The following COL19A1 variants were observed in gnomAD, a reference collection of about 807,000 sequenced individuals.
COL19A1 encodes collagen type XIX alpha 1 chain.
A neutral mutation model predicts 190.2 loss-of-function variants in COL19A1; 159 were observed. The ratio of observed to expected loss-of-function variants is 0.84; its 90% CI spans 0.73 to 0.95. The LOEUF (loss-of-function observed/expected upper bound fraction) is 0.95. Ranked by LOEUF, COL19A1 falls within the 40% of genes least tolerant of loss-of-function variation. The pLI is 0.00. For missense variants in COL19A1, 1,418 were observed against 1,431.9 expected (o/e 0.99, Z 0.16); for synonymous variants, 509 against 458.9 (o/e 1.11, Z -1.39).
chr6:70,059,524 T>C (rs146400542), intron 14 of COL19A1, among the ~76,000 whole-genome samples: 91 of 152,332 alleles, frequency 6.0e-4, no homozygotes, highest in African/African-American at 1.7e-3. Context: ...TAGCTTGTCT[T>C]AAATAATCAG....
At chr6:69,920,370 A>G (rs1342098017) in intron 4 of COL19A1, among the ~76,000 whole-genome samples, 3 of 152,178 alleles carry the variant, frequency 2.0e-5, no homozygotes, top group Non-Finnish European at 4.4e-5. Flanking sequence ...GCTGCTGTAC[A>G]TAGAGAATGT....
At chr6:70,111,200 A>C (rs1344143568) in intron 16 of COL19A1, among the ~76,000 whole-genome samples, 4 of 152,202 alleles carry the variant, frequency 2.6e-5, no homozygotes, top group Admixed American at 6.6e-5. Context: ...TTTAATAAGA[A>C]TATTCTAGGT....
At chr6:69,983,138 TAG>T (rs1472758453) in intron 11 of COL19A1, among the ~76,000 whole-genome samples, 1 of 152,120 alleles carries the variant, frequency 6.6e-6, no homozygotes, top group East Asian at 1.9e-4. Context: ...TGCAATAGTA[TAG>T]AGTCATCCAA....
intron 15 of COL19A1, among the ~76,000 whole-genome samples, chr6:70,075,910 A>G (rs887939371): frequency 5.3e-5 from 8 of 152,258 alleles, no homozygotes; most frequent in Non-Finnish European, 1.2e-4. Context: ...GTAACAAAAT[A>G]ACATAATAAG....
chr6:70,180,647 C>T (rs1766115669), intron 44 of COL19A1, 124 bp downstream of exon 44: 9 of 991,320 alleles, frequency 9.1e-6, no homozygotes, highest in Non-Finnish European at 1.4e-5. Context: ...GAAGAATGCA[C>T]AGATGGATTT....
intron 42 of COL19A1, 69 bp from the exon 43 acceptor site, chr6:70,180,243 G>A (rs1321003936): frequency 6.4e-7 from 1 of 1,567,850 alleles, no homozygotes; most frequent in African/African-American, 1.4e-5. Flanking sequence ...TTGGGGTTGG[G>A]GGAAGAGAAG....
intron 31 of COL19A1, among the ~76,000 whole-genome samples, chr6:70,153,978 T>C (rs1450807760): frequency 6.6e-6 from 1 of 152,070 alleles, no homozygotes; most frequent in East Asian, 1.9e-4. Context: ...TTTTATGTAC[T>C]TTAAGTTCTG....
intron 18 of COL19A1, among the ~76,000 whole-genome samples, chr6:70,136,470 TC>T (rs1238629266): frequency 1.3e-5 from 2 of 152,138 alleles, no homozygotes; most frequent in African/African-American, 4.8e-5. Flanking sequence ...ATGAATGAGA[TC>T]ATATGTATCA....
intron 11 of COL19A1, among the ~76,000 whole-genome samples, chr6:69,998,489 T>TA (rs989461658): frequency 6.6e-6 from 1 of 151,330 alleles, no homozygotes; most frequent in African/African-American, 2.4e-5. Context: ...ATAAAAATTT[T>TA]AAAAAAACTA....
intron 49 of COL19A1, among the ~76,000 whole-genome samples, chr6:70,202,660 C>T (rs1038806381): frequency 3.9e-5 from 6 of 152,014 alleles, no homozygotes; most frequent in Admixed American, 3.3e-4. Context: ...GTGAGAAAAT[C>T]GACGTCAGAC....
intron 15 of COL19A1, among the ~76,000 whole-genome samples, chr6:70,071,755 G>A (rs958020813): frequency 3.3e-5 from 5 of 151,964 alleles, no homozygotes; most frequent in African/African-American, 1.2e-4. Context: ...TGGGGGTTGG[G>A]GGCCTTCCTG....
Position 70,188,176 on chromosome 6 carries a change from A to T in COL19A1, c.2958A>T (p.Gly986=). ...CCATCGGTCCTATGGGTCCACCAGG[A>T]AACAAGGGCTCCATGGGATCCCCTG... ...KGAIGPMGPP[G]NKGSMGSPGH... is the part of the protein sequence containing the mutation. Residue 986 remains glycine (G), a synonymous_variant, in exon 47 of 51, where the codon GGA becomes GGT. Coordinates refer to ENST00000620364, the MANE Select transcript of COL19A1 (RefSeq NM_001858.6). 3 of 1,613,772 alleles carry T rather than the reference A, an allele frequency of 1.9e-6. No homozygotes were observed. Among genetic ancestry groups the T allele is most frequent in the Non-Finnish European group, 2.5e-6 (3 of 1,179,838 alleles).
chr6:69,905,245 C>A (rs1432445995), intron 4 of COL19A1, among the ~76,000 whole-genome samples: 1 of 152,154 alleles, frequency 6.6e-6, no homozygotes, highest in Non-Finnish European at 1.5e-5. Flanking sequence ...GGTGGGTGAG[C>A]AGAGAGCTAA....
chr6:70,148,925 T>TA (rs5877241), intron 27 of COL19A1, among the ~76,000 whole-genome samples: 15 of 143,186 alleles, frequency 1.0e-4, no homozygotes, highest in East Asian at 6.1e-4. Flanking sequence ...AGACTCCATC[T>TA]AAAAAAAAAA....
intron 9 of COL19A1, among the ~76,000 whole-genome samples, chr6:69,940,354 C>G (rs931810074): frequency 3.3e-5 from 5 of 151,986 alleles, no homozygotes; most frequent in Non-Finnish European, 5.9e-5. Context: ...GACTTTGGAG[C>G]CTTAGCAGTA....
intron 9 of COL19A1, among the ~76,000 whole-genome samples, chr6:69,940,177 A>G (rs1051988853): frequency 6.6e-6 from 1 of 152,130 alleles, no homozygotes; most frequent in Non-Finnish European, 1.5e-5. Flanking sequence ...GTGCTTAGTC[A>G]CTGTTGTTAG....
At chr6:70,024,311 A>T (rs1027319125) in intron 12 of COL19A1, among the ~76,000 whole-genome samples, 2 of 152,142 alleles carry the variant, frequency 1.3e-5, no homozygotes, top group Non-Finnish European at 2.9e-5. Context: ...ACATTTACTC[A>T]CCATTTACTA....
Position 70,156,675 on chromosome 6 carries a change from C to G in COL19A1, c.2244C>G (p.Ser748Arg). The part of the protein sequence containing the change: ...GIPGREGPKG[S>R]KGERGYPGIP... Reference sequence around the variant, plus strand: ...TGAATGTATTGTCTTTTTAGGGAAGCAAAGGAGAGCGGGGCTACCCTGGGA... The same window carrying G: ...TGAATGTATTGTCTTTTTAGGGAAGGAAAGGAGAGCGGGGCTACCCTGGGA... Residue 748 changes from serine to arginine, a missense_variant, in exon 34 of 51, where the codon AGC becomes AGG. Ser to Arg is a moderately radical substitution (Grantham distance 110). Transcript: ENST00000620364. 6.2e-7 allele frequency: 1 copy of G among 1,611,638 alleles called. No individual in the cohort carries two copies. Among genetic ancestry groups the G allele is most frequent in the Non-Finnish European group, 8.5e-7 (1 of 1,178,556 alleles).
At chr6:69,925,937 G>T (rs1411234964) in intron 4 of COL19A1, among the ~76,000 whole-genome samples, 1 of 152,144 alleles carries the variant, frequency 6.6e-6, no homozygotes, top group Non-Finnish European at 1.5e-5. Context: ...CATTGATTTT[G>T]TATCCTGAGA....
Sources: allele counts gnomAD v4.1 joint callset (sites outside exome capture counted in the v4.1 genomes callset), GRCh38; gene constraint gnomAD v4.1.1; transcripts MANE v1.5; gene names NCBI Gene and HGNC (gene_info 2026-07-23, HGNC 2026-07-21).